The following SRGAP3 variants were observed in gnomAD, a reference collection of about 807,000 sequenced individuals.
The protein encoded by SRGAP3 is SLIT-ROBO Rho GTPase activating protein 3, also known as SLIT-ROBO Rho GTPase-activating protein 3.
A neutral mutation model predicts 121.1 loss-of-function variants in SRGAP3; 39 were observed. The ratio of observed to expected loss-of-function variants is 0.32; its 90% CI spans 0.25 to 0.42. The LOEUF is 0.42. Among genes scored for constraint, SRGAP3 ranks in the 10% least tolerant of loss-of-function variants. The pLI, the probability that SRGAP3 is intolerant of heterozygous loss-of-function variation, is 1.00. For missense variants in SRGAP3, 1,213 were observed against 1,470.6 expected (o/e 0.82, Z 2.86); for synonymous variants, 601 against 570.0 (o/e 1.05, Z -0.77).
chr3:9,128,154 C>T (rs1175843032), intron 1 of SRGAP3, among the ~76,000 whole-genome samples: 1 of 152,184 alleles, frequency 6.6e-6, no homozygotes, highest in Non-Finnish European at 1.5e-5. Flanking sequence ...GGCCCTTGTA[C>T]ACCTTAAAGT....
chr3:9,277,211 A>T (rs1954601029), intron 3 of SRGAP3, among the ~76,000 whole-genome samples: 1 of 152,224 alleles, frequency 6.6e-6, no homozygotes, highest in South Asian at 2.1e-4. Context: ...ACCTTGCAAG[A>T]CATTATTCTC....
At chr3:9,351,329 G>C (rs1024628917) in intron 1 of SRGAP3, among the ~76,000 whole-genome samples, 2 of 152,294 alleles carry the variant, frequency 1.3e-5, no homozygotes, top group Middle Eastern at 3.4e-3. Flanking sequence ...AAACTTCCCA[G>C]CAATTTATGA....
chr3:9,334,225 A>G (rs1457847194), intron 1 of SRGAP3, among the ~76,000 whole-genome samples: 2 of 152,174 alleles, frequency 1.3e-5, no homozygotes, highest in Non-Finnish European at 2.9e-5. Flanking sequence ...AATTTAAACA[A>G]GAATGTGATT....
chr3:9,132,085 CT>C (rs1220210123), intron 1 of SRGAP3, among the ~76,000 whole-genome samples: 6 of 151,688 alleles, frequency 4.0e-5, no homozygotes, highest in South Asian at 2.1e-4. Context: ...TCAGATCAGT[CT>C]TTTTTTTTAA....
At chr3:9,203,944 C>G (rs2125163653) in intron 1 of SRGAP3, among the ~76,000 whole-genome samples, 1 of 152,330 alleles carries the variant, frequency 6.6e-6, no homozygotes, top group East Asian at 1.9e-4. Context: ...GGCCTGGTCT[C>G]TGGCCTGCTA....
chr3:9,137,472 T>C (rs1462681618), intron 1 of SRGAP3, among the ~76,000 whole-genome samples: 2 of 152,162 alleles, frequency 1.3e-5, no homozygotes, highest in Non-Finnish European at 2.9e-5. Context: ...CACAGTATAT[T>C]GGCTAGTACT....
chr3:9,297,555 T>C (rs138529317), intron 3 of SRGAP3, among the ~76,000 whole-genome samples: 1 of 151,676 alleles, frequency 6.6e-6, no homozygotes, highest in Non-Finnish European at 1.5e-5. Flanking sequence ...TAAAATAAGG[T>C]CATTCAGGTG....
chr3:9,203,463 C>A (rs947091353), intron 1 of SRGAP3, among the ~76,000 whole-genome samples: 1 of 152,194 alleles, frequency 6.6e-6, no homozygotes, highest in African/African-American at 2.4e-5. Context: ...TAACTGAGAA[C>A]CGACCACATG....
chr3:9,234,336 G>A (rs1219039696), intron 1 of SRGAP3, among the ~76,000 whole-genome samples: 1 of 152,140 alleles, frequency 6.6e-6, no homozygotes, highest in Admixed American at 6.5e-5. Flanking sequence ...AAGACATTGT[G>A]ACTGCCAACT....
intron 1 of SRGAP3, among the ~76,000 whole-genome samples, chr3:9,356,981 G>A (rs1460407415): frequency 6.6e-6 from 1 of 151,990 alleles, no homozygotes; most frequent in East Asian, 1.9e-4. Context: ...TTATTTTGGG[G>A]GGTGGGTGTG....
At position 9,249,382 on chromosome 3, in the gene SRGAP3, C is replaced by A. The variant is rs947775901; in HGVS notation, c.-431G>T. On this transcript the variant is annotated 5_prime_UTR_variant, in exon 1 of 22. Transcript: ENST00000383836. Reference sequence around the variant, plus strand: ...TGCACACAGGCATACACACACACACCCTCACACGCACACACACTCGCTGGA... The same window carrying A: ...TGCACACAGGCATACACACACACACACTCACACGCACACACACTCGCTGGA... 15 of 318,456 alleles carry A rather than the reference C, an allele frequency of 4.7e-5. No homozygotes were observed. Among genetic ancestry groups the A allele is most frequent in the Non-Finnish European group, 8.9e-5 (15 of 169,234 alleles). 19.7% of individuals were successfully genotyped at this position (318,456 alleles called of 1,614,324 possible).
chr3:9,130,109 G>T (rs1949388993), intron 1 of SRGAP3, among the ~76,000 whole-genome samples: 2 of 151,994 alleles, frequency 1.3e-5, no homozygotes, highest in Admixed American at 1.3e-4. Flanking sequence ...ATTAAGTGTT[G>T]TGATTATGGA....
chr3:9,169,535 A>C (rs1003289573), intron 1 of SRGAP3, among the ~76,000 whole-genome samples: 14 of 152,224 alleles, frequency 9.2e-5, no homozygotes, highest in African/African-American at 3.1e-4. Flanking sequence ...AACAGTGAGA[A>C]GTTCCCACAC....
chr3:9,025,768 C>A (rs1944167042), intron 13 of SRGAP3, among the ~76,000 whole-genome samples: 1 of 152,100 alleles, frequency 6.6e-6, no homozygotes. Context: ...TTATACATGA[C>A]ATGACAGTAA....
intron 1 of SRGAP3, among the ~76,000 whole-genome samples, chr3:9,333,054 T>C (rs538477344): frequency 3.9e-5 from 6 of 152,222 alleles, no homozygotes; most frequent in Non-Finnish European, 7.4e-5. Context: ...CTTGACAGAA[T>C]GACTTAGCAT....
chr3:9,133,329 A>G (rs1400267877), intron 1 of SRGAP3, among the ~76,000 whole-genome samples: 2 of 152,130 alleles, frequency 1.3e-5, no homozygotes, highest in Non-Finnish European at 2.9e-5. Flanking sequence ...TAGAAAATAC[A>G]AAAACTTATC....
chr3:9,134,353 G>T (rs1443181360), intron 1 of SRGAP3, among the ~76,000 whole-genome samples: 2 of 152,084 alleles, frequency 1.3e-5, no homozygotes, highest in East Asian at 3.9e-4. Context: ...GGGAGCACTT[G>T]CCCCCTCTGC....
intron 3 of SRGAP3, among the ~76,000 whole-genome samples, chr3:9,262,547 A>AAAAAAAAAAAAAAAAAAAAAAAAAAC: frequency 6.8e-6 from 1 of 147,768 alleles, no homozygotes; most frequent in Non-Finnish European, 1.5e-5. Flanking sequence ...AAAAAAAAAA[A>AAAAAAAAAAAAAAAAAAAAAAAAAAC]AAAAAAAAAG....
intron 18 of SRGAP3, among the ~76,000 whole-genome samples, chr3:9,009,510 G>T (rs990222439): frequency 6.6e-6 from 1 of 152,154 alleles, no homozygotes; most frequent in African/African-American, 2.4e-5. Flanking sequence ...ACTGGATATT[G>T]TGTTCATTTT....
Sources: allele counts gnomAD v4.1 joint callset (sites outside exome capture counted in the v4.1 genomes callset), GRCh38; gene constraint gnomAD v4.1.1; transcripts MANE v1.5; gene names NCBI Gene and HGNC (gene_info 2026-07-23, HGNC 2026-07-21).